RTL4: variants seen among roughly 807,000 people sequenced by gnomAD.
The protein encoded by RTL4 is retrotransposon Gag-like protein 4.
A neutral mutation model predicts 5.3 loss-of-function variants in RTL4; 4 were observed. That is an observed-to-expected ratio of 0.75 (90% confidence interval 0.37 to 1.72). The LOEUF is 1.72. Among genes scored for constraint, RTL4 ranks in the 40% most tolerant of loss-of-function variants. The pLI is 0.04. For synonymous variants in RTL4, 98 were observed against 87.3 expected, an observed-to-expected ratio of 1.12 and a Z score of -0.68; for missense variants, 260 against 227.1, an observed-to-expected ratio of 1.14 and a Z score of -0.93.
At chrX:112,123,915 G>A in the RTL4 span, among the ~76,000 whole-genome samples, 1 of 110,805 alleles carries the variant, frequency 9.0e-6, no homozygotes, top group Non-Finnish European at 1.9e-5. Context: ...CACAATGGGA[G>A]AAAAATTTTC....
the RTL4 span, among the ~76,000 whole-genome samples, chrX:112,349,455 G>A: frequency 9.1e-6 from 1 of 109,977 alleles, no homozygotes; most frequent in African/African-American, 3.3e-5. Context: ...ACCTTGGGCA[G>A]TATGGCCATT....
At chrX:112,431,897 C>T in the RTL4 span, among the ~76,000 whole-genome samples, 1 of 77,755 alleles carries the variant, frequency 1.3e-5, no homozygotes, top group South Asian at 8.7e-4. Context: ...CACCCCACAA[C>T]AGTCCCCAGA....
At chrX:112,336,354 T>C in the RTL4 span, among the ~76,000 whole-genome samples, 1 of 111,911 alleles carries the variant, frequency 8.9e-6, no homozygotes, top group Non-Finnish European at 1.9e-5. Context: ...AAGTTTTCCT[T>C]TTATTTTTAA....
At chrX:112,225,600 C>G in the RTL4 span, among the ~76,000 whole-genome samples, 3 of 111,757 alleles carry the variant, frequency 2.7e-5, no homozygotes, top group Non-Finnish European at 3.8e-5. Flanking sequence ...GAGATGAGAC[C>G]AAATGAGCCC....
chrX:112,260,340 A>T, the RTL4 span, among the ~76,000 whole-genome samples: 7 of 111,671 alleles, frequency 6.3e-5, no homozygotes, highest in African/African-American at 1.9e-4. Context: ...TCCTCCTGTC[A>T]GCATACAGAG....
the RTL4 span, among the ~76,000 whole-genome samples, chrX:112,436,022 G>A: frequency 9.0e-6 from 1 of 111,510 alleles, no homozygotes; most frequent in Non-Finnish European, 1.9e-5. Flanking sequence ...TTCGAGACCT[G>A]TCTGACCAAC....
chrX:112,215,160 T>TG, the RTL4 span, among the ~76,000 whole-genome samples: 1 of 111,635 alleles, frequency 9.0e-6, no homozygotes, highest in East Asian at 2.8e-4. Context: ...TGTGCATATT[T>TG]GGGGGGTTCA....
At chrX:112,230,171 C>T in the RTL4 span, among the ~76,000 whole-genome samples, 6 of 112,839 alleles carry the variant, frequency 5.3e-5, no homozygotes, top group African/African-American at 1.9e-4. Flanking sequence ...CTGTGGTGGG[C>T]TCCACCCAGT....
At chrX:112,108,839 C>G in the RTL4 span, among the ~76,000 whole-genome samples, 1 of 111,401 alleles carries the variant, frequency 9.0e-6, no homozygotes, top group African/African-American at 3.3e-5. Flanking sequence ...AGGCCTAAAA[C>G]CTGGGGCTGT....
At chrX:112,204,209 C>T in the RTL4 span, among the ~76,000 whole-genome samples, 3 of 112,291 alleles carry the variant, frequency 2.7e-5, no homozygotes, top group South Asian at 3.7e-4. Flanking sequence ...AAAGGGAACG[C>T]TTGCGCACTG....
At chrX:112,329,383 C>G in the RTL4 span, among the ~76,000 whole-genome samples, 22,998 of 110,920 alleles carry the variant, frequency 0.21, 1,846 homozygotes, top group Admixed American at 0.32. Flanking sequence ...ACAAATACCT[C>G]TACGCAAATA....
chrX:112,272,095 A>C, the RTL4 span, among the ~76,000 whole-genome samples: 1 of 112,015 alleles, frequency 8.9e-6, no homozygotes, highest in Non-Finnish European at 1.9e-5. Flanking sequence ...TATTAACTAT[A>C]GTCATCATGC....
chrX:112,329,020 A>G, the RTL4 span, among the ~76,000 whole-genome samples: 92 of 111,463 alleles, frequency 8.3e-4, no homozygotes, highest in East Asian at 8.4e-3. Flanking sequence ...TGTGTAGAGG[A>G]AAATTTATAG....
chrX:112,442,009 C>A, the RTL4 span, among the ~76,000 whole-genome samples: 3 of 111,617 alleles, frequency 2.7e-5, no homozygotes, highest in Non-Finnish European at 5.6e-5. Context: ...GTGAAAGAAG[C>A]CAGACACAAA....
chrX:112,195,129 G>T, the RTL4 span, among the ~76,000 whole-genome samples: 3 of 111,595 alleles, frequency 2.7e-5, no homozygotes, highest in African/African-American at 9.8e-5. Context: ...GAATGTGGAT[G>T]GTCCTAAAGA....
chrX:112,392,616 T>G, the RTL4 span, among the ~76,000 whole-genome samples: 1 of 111,309 alleles, frequency 9.0e-6, no homozygotes, highest in Admixed American at 9.5e-5. Flanking sequence ...AGCAGTCCTG[T>G]GCTCCTTTAG....
the RTL4 span, among the ~76,000 whole-genome samples, chrX:112,370,792 C>T: frequency 2.7e-5 from 3 of 111,028 alleles, no homozygotes; most frequent in Non-Finnish European, 3.8e-5. Flanking sequence ...TGAGGGCACC[C>T]TTGTACACCT....
At chrX:112,240,746 T>C in the RTL4 span, among the ~76,000 whole-genome samples, 15 of 111,440 alleles carry the variant, frequency 1.3e-4, no homozygotes, top group African/African-American at 4.9e-4. Context: ...TACATACGTA[T>C]ACATGTGCCA....
the RTL4 span, among the ~76,000 whole-genome samples, chrX:112,373,790 C>T: frequency 9.1e-6 from 1 of 110,340 alleles, no homozygotes; most frequent in Non-Finnish European, 1.9e-5. Flanking sequence ...CGATCCCCCA[C>T]TCCTAGCTTC....
Sources: gnomAD v4.1 joint callset for allele counts (sites outside exome capture counted in the v4.1 genomes callset) on GRCh38, gnomAD v4.1.1 for gene constraint, MANE v1.5 for transcripts, NCBI Gene and HGNC (gene_info 2026-07-23, HGNC 2026-07-21) for gene names.